SLC35F3: variants seen among roughly 807,000 people sequenced by gnomAD.
The protein encoded by SLC35F3 is solute carrier family 35 member F3.
SLC35F3 carries 25 observed loss-of-function variants against 49.9 expected under a neutral mutation model. The observed-to-expected ratio is 0.50, with a 90% confidence interval of 0.37 to 0.70. The LOEUF (loss-of-function observed/expected upper bound fraction) is 0.70. Among genes scored for constraint, SLC35F3 ranks in the 30% least tolerant of loss-of-function variants. The pLI, the probability that SLC35F3 is intolerant of heterozygous loss-of-function variation, is 0.00. For missense variants in SLC35F3, 525 were observed against 639.8 expected, an observed-to-expected ratio of 0.82 and a Z score of 1.94; for synonymous variants, 275 against 265.4, an observed-to-expected ratio of 1.04 and a Z score of -0.35.
intron 2 of SLC35F3, among the ~76,000 whole-genome samples, chr1:234,217,313 C>G (rs1156637977): frequency 6.6e-6 from 1 of 152,226 alleles, no homozygotes; most frequent in Non-Finnish European, 1.5e-5. Context: ...ACAAATACTT[C>G]ATCCAACCCT....
chr1:234,117,192 T>C (rs1000177548), intron 2 of SLC35F3, among the ~76,000 whole-genome samples: 2 of 152,196 alleles, frequency 1.3e-5, no homozygotes, highest in African/African-American at 4.8e-5. Flanking sequence ...TTGTTGGGCC[T>C]ACCCCTGCTG....
At chr1:234,315,400 A>C (rs611676) in intron 4 of SLC35F3, among the ~76,000 whole-genome samples, 1 of 152,064 alleles carries the variant, frequency 6.6e-6, no homozygotes, top group Non-Finnish European at 1.5e-5. Flanking sequence ...AGTACTTCCT[A>C]TGTGAATCAT....
At chr1:233,944,602 C>A (rs1283855876) in intron 2 of SLC35F3, among the ~76,000 whole-genome samples, 1 of 152,154 alleles carries the variant, frequency 6.6e-6, no homozygotes, top group Non-Finnish European at 1.5e-5. Context: ...TTGGCTGAGG[C>A]AGACATCCAA....
At chr1:234,001,569 G>T (rs143976432) in intron 2 of SLC35F3, among the ~76,000 whole-genome samples, 1 of 152,188 alleles carries the variant, frequency 6.6e-6, no homozygotes, top group Non-Finnish European at 1.5e-5. Context: ...AGGTATACAA[G>T]GTAGGTGTCA....
At chr1:234,141,934 A>G (rs1173490796) in intron 2 of SLC35F3, among the ~76,000 whole-genome samples, 1 of 152,138 alleles carries the variant, frequency 6.6e-6, no homozygotes, top group Non-Finnish European at 1.5e-5. Flanking sequence ...CCTTACTGAC[A>G]TATCACTTAT....
chr1:233,928,745 T>A (rs955989585), intron 2 of SLC35F3, among the ~76,000 whole-genome samples: 4 of 152,112 alleles, frequency 2.6e-5, no homozygotes, highest in Non-Finnish European at 5.9e-5. Context: ...ATAGGGCCCT[T>A]TCAAAAGGAG....
chr1:234,226,645 G>A (rs1404084101), intron 2 of SLC35F3, among the ~76,000 whole-genome samples: 1 of 151,768 alleles, frequency 6.6e-6, no homozygotes, highest in Non-Finnish European at 1.5e-5. Flanking sequence ...GTACCCGAAT[G>A]AGTTGGTAGC....
intron 2 of SLC35F3, among the ~76,000 whole-genome samples, chr1:234,204,311 G>A (rs751061591): frequency 6.7e-6 from 1 of 149,518 alleles, no homozygotes; most frequent in Non-Finnish European, 1.5e-5. Flanking sequence ...AGCAGTACAT[G>A]GAATTTCTAA....
intron 2 of SLC35F3, among the ~76,000 whole-genome samples, chr1:233,989,433 A>T (rs553553261): frequency 2.0e-5 from 3 of 152,204 alleles, no homozygotes; most frequent in Non-Finnish European, 4.4e-5. Flanking sequence ...CAAGCAATAT[A>T]AGCTGTGGCC....
chr1:234,269,561 G>A (rs1372793762), intron 3 of SLC35F3, among the ~76,000 whole-genome samples: 1 of 150,374 alleles, frequency 6.7e-6, no homozygotes, highest in Non-Finnish European at 1.5e-5. Flanking sequence ...GGCACCCCTT[G>A]GTGAGTTGCA....
At chr1:233,968,915 G>A (rs1035995118) in intron 2 of SLC35F3, among the ~76,000 whole-genome samples, 1 of 152,112 alleles carries the variant, frequency 6.6e-6, no homozygotes, top group African/African-American at 2.4e-5. Context: ...AGAACATGCA[G>A]TATTTGGTTT....
chr1:234,260,349 TA>T (rs796463561), intron 3 of SLC35F3, among the ~76,000 whole-genome samples: 2 of 152,078 alleles, frequency 1.3e-5, no homozygotes, highest in African/African-American at 2.4e-5. Context: ...TGTTCTCACT[TA>T]AAAAAAAGAG....
chr1:233,962,706 C>T (rs4262613), intron 2 of SLC35F3, among the ~76,000 whole-genome samples: 30,947 of 152,162 alleles, frequency 0.2, 3,364 homozygotes, highest in East Asian at 0.37. Flanking sequence ...CTAAAGGAGA[C>T]GGTACTGATA....
chr1:234,255,327 C>T (rs74401953), intron 3 of SLC35F3, among the ~76,000 whole-genome samples: 14,956 of 152,234 alleles, frequency 0.098, 999 homozygotes, highest in Non-Finnish European at 0.15. Context: ...TTAAAATAGC[C>T]AAGATCTAGA....
At chr1:234,312,810 G>C (rs1459654539) in intron 4 of SLC35F3, among the ~76,000 whole-genome samples, 1 of 152,156 alleles carries the variant, frequency 6.6e-6, no homozygotes, top group Non-Finnish European at 1.5e-5. Flanking sequence ...CTGTTTGGCA[G>C]AGAACAGGCA....
chr1:234,321,472 G>C (rs1657618614), intron 7 of SLC35F3, among the ~76,000 whole-genome samples: 1 of 152,192 alleles, frequency 6.6e-6, no homozygotes, highest in East Asian at 1.9e-4. Context: ...TGGTAAAAAA[G>C]AAAAATGGTC....
In SLC35F3 at chr1:234,112,629, C is replaced by T. The variant is rs1204341552; in HGVS notation, c.284-118788C>T. Among the ~76,000 whole-genome samples, 3 of 142,266 alleles carry T rather than the reference C, an allele frequency of 2.1e-5. No homozygotes were observed. The East Asian group carries it at 6.1e-4, about 29-fold the overall frequency. The allele number at this position is 142,266 out of a possible 152,430, so 93.3% of individuals were successfully genotyped here. ...GGAGTGCAGTGCCGCTATCTCGGCT[C>T]GCTGCAAGCTCCGCCTCCTGGGTTC... is the stretch of plus-strand genomic sequence containing the variant. On this transcript the variant is annotated intron_variant, in intron 2 of 7. Transcript: ENST00000366618.
At position 233,978,801 on chromosome 1, in the gene SLC35F3, G is replaced by A. The variant is rs186445508; in HGVS notation, c.283+73043G>A. On this transcript the variant is annotated intron_variant, in intron 2 of 7. Transcript: ENST00000366618. ...TCCCAGCACTTTGGGAGGCCGAGGC[G>A]GGCGGATCACCTGAGGTCAGGAGTT... Among the ~76,000 whole-genome samples the A allele has an allele frequency of 3.9e-5, 6 of 152,188 alleles. No homozygotes were observed. The East Asian group carries it at 5.8e-4, about 15-fold the overall frequency.
At chr1:233,991,472 AAG>A (rs990944418) in intron 2 of SLC35F3, among the ~76,000 whole-genome samples, 4 of 152,268 alleles carry the variant, frequency 2.6e-5, no homozygotes, top group African/African-American at 9.6e-5. Context: ...ATAAAGAAAA[AAG>A]AAAAAAAACT....
Sources: allele counts gnomAD v4.1 joint callset (sites outside exome capture counted in the v4.1 genomes callset), GRCh38; gene constraint gnomAD v4.1.1; transcripts MANE v1.5; gene names NCBI Gene and HGNC (gene_info 2026-07-23, HGNC 2026-07-21).